Variants in PCDH11X observed in about 807,000 individuals in gnomAD.
The protein encoded by PCDH11X is protocadherin-11 X-linked.
In PCDH11X, 18 loss-of-function variants were observed where a neutral mutation model predicts 53.3. That is an observed-to-expected ratio of 0.34 (90% CI 0.23 to 0.50). The LOEUF is 0.50. Among genes scored for constraint, PCDH11X ranks in the 20% least tolerant of loss-of-function variants. The pLI, the probability that PCDH11X is intolerant of heterozygous loss-of-function variation, is 0.98. For missense variants in PCDH11X, 570 were observed against 1,032.4 expected (o/e 0.55, Z 6.14); for synonymous variants, 279 against 393.3 (o/e 0.71, Z 3.44).
intron 6 of PCDH11X, among the ~76,000 whole-genome samples, chrX:92,101,382 T>G: frequency 9.0e-6 from 1 of 111,511 alleles, no homozygotes; most frequent in South Asian, 3.8e-4. Flanking sequence ...AGGCCTGAAT[T>G]CTGAGAAGGG....
intron 6 of PCDH11X, among the ~76,000 whole-genome samples, chrX:91,920,020 G>A (rs3878819): frequency 0.21 from 23,804 of 110,846 alleles, 2,307 homozygotes; most frequent in Admixed American, 0.48. Flanking sequence ...TACAGAGTAA[G>A]TGTGAAGTAA....
chrX:91,883,696 T>A lies in PCDH11X; in HGVS notation c.3033+4423T>A, dbSNP rs754055862. ...GGCGGGCGCCTGTAGTCCCAGCTAC[T>A]CGGGAGGCTGAGGCAGGAGAATAGC... On this transcript the variant is annotated intron_variant, in intron 6 of 10. Coordinates refer to ENST00000682573, the MANE Select transcript of PCDH11X (RefSeq NM_032968.5). The A allele has an allele frequency of 7.6e-6, 4 of 529,510 alleles. No homozygotes were observed. In the South Asian group the frequency reaches 3.0e-4, roughly 40 times the overall value. 43.6% of individuals were successfully genotyped at this position (529,510 alleles called of 1,213,427 possible).
intron 6 of PCDH11X, among the ~76,000 whole-genome samples, chrX:92,091,348 T>G (rs763691210): frequency 1.2e-3 from 136 of 110,464 alleles, no homozygotes; most frequent in African/African-American, 4.5e-3. Context: ...GGATTTGTTG[T>G]CAGACTTCCT....
At chrX:92,443,428 T>C (rs1272167403) in intron 9 of PCDH11X, among the ~76,000 whole-genome samples, 1 of 111,940 alleles carries the variant, frequency 8.9e-6, no homozygotes, top group Non-Finnish European at 1.9e-5. Flanking sequence ...ATATTAGTCC[T>C]CTGTGAGATG....
intron 6 of PCDH11X, among the ~76,000 whole-genome samples, chrX:91,932,555 T>A (rs2061399537): frequency 1.1e-5 from 1 of 94,911 alleles, no homozygotes; most frequent in African/African-American, 3.9e-5. Context: ...GCAAACAGAG[T>A]CAGTAGTAGC....
At chrX:92,075,914 A>AT (rs1352306194) in intron 6 of PCDH11X, among the ~76,000 whole-genome samples, 1 of 110,577 alleles carries the variant, frequency 9.0e-6, no homozygotes, top group African/African-American at 3.3e-5. Context: ...ACTTCAGACC[A>AT]TAACTTGTTT....
At chrX:92,364,239 C>T (rs1234711713) in intron 8 of PCDH11X, among the ~76,000 whole-genome samples, 2 of 111,391 alleles carry the variant, frequency 1.8e-5, no homozygotes, top group African/African-American at 6.5e-5. Flanking sequence ...GTGCAAACAT[C>T]ATAGAGTGTA....
chrX:92,458,998 G>C (rs1280259566), intron 9 of PCDH11X, among the ~76,000 whole-genome samples: 2 of 111,373 alleles, frequency 1.8e-5, no homozygotes, highest in Admixed American at 1.9e-4. Flanking sequence ...TTCATCAAAA[G>C]CGTAGGAGCG....
Position 92,622,739 on chromosome X carries a change from A to G in PCDH11X, c.*3799A>G, listed in dbSNP as rs1026391561. On this transcript the variant is annotated 3_prime_UTR_variant, in exon 11 of 11. Coordinates refer to ENST00000682573, the MANE Select transcript of PCDH11X (RefSeq NM_032968.5). ...ACCACACCAGATCAATTTTATGCAGAGGCCTTAAAATATTCTTTCACAGTA... is the reference window on the plus strand; with the variant it reads ...ACCACACCAGATCAATTTTATGCAGGGGCCTTAAAATATTCTTTCACAGTA... The G allele has an allele frequency of 4.6e-5, 5 of 109,822 alleles. No individual in the cohort carries two copies. The highest frequency in any genetic ancestry group is 1.6e-4 in the African/African-American group (5 of 30,361). The allele number at this position is 109,822 out of a possible 1,213,427, so 9.1% of individuals were successfully genotyped here.
chrX:92,422,818 TA>T (rs1224643035), intron 9 of PCDH11X, among the ~76,000 whole-genome samples: 6 of 109,571 alleles, frequency 5.5e-5, no homozygotes, highest in Non-Finnish European at 1.1e-4. Context: ...CGCCAACGTC[TA>T]TTTTTTTTAT....
At chrX:92,039,365 A>G (rs2063176220) in intron 6 of PCDH11X, among the ~76,000 whole-genome samples, 1 of 112,026 alleles carries the variant, frequency 8.9e-6, no homozygotes, top group East Asian at 2.8e-4. Context: ...AATTAGAGTC[A>G]AATACCTTAA....
At chrX:92,271,216 T>C (rs185380317) in intron 8 of PCDH11X, among the ~76,000 whole-genome samples, 1 of 112,277 alleles carries the variant, frequency 8.9e-6, no homozygotes, top group Non-Finnish European at 1.9e-5. Flanking sequence ...CCTTTATAGC[T>C]GTAAATTTCT....
At chrX:92,554,391 T>A (rs990295569) in intron 10 of PCDH11X, among the ~76,000 whole-genome samples, 12 of 106,474 alleles carry the variant, frequency 1.1e-4, no homozygotes, top group African/African-American at 3.7e-4. Flanking sequence ...AAGAATTTTT[T>A]AAAAATTACT....
intron 10 of PCDH11X, among the ~76,000 whole-genome samples, chrX:92,470,036 T>C (rs2073231303): frequency 1.8e-5 from 2 of 109,089 alleles, no homozygotes; most frequent in South Asian, 7.8e-4. Context: ...CACATACATG[T>C]AATATCTTTT....
At chrX:92,200,824 C>G (rs750765126) in intron 6 of PCDH11X, among the ~76,000 whole-genome samples, 2 of 112,155 alleles carry the variant, frequency 1.8e-5, no homozygotes, top group East Asian at 5.6e-4. Flanking sequence ...GTTGCAAAAG[C>G]ATTGGACAGA....
At chrX:91,928,502 T>A (rs1407412877) in intron 6 of PCDH11X, among the ~76,000 whole-genome samples, 1 of 95,756 alleles carries the variant, frequency 1.0e-5, no homozygotes, top group Non-Finnish European at 2.1e-5. Context: ...GAAATAAGCA[T>A]TTTATTATAT....
At chrX:92,375,160 ATATATATTTT>A (rs2070714714) in intron 8 of PCDH11X, among the ~76,000 whole-genome samples, 2 of 11,308 alleles carry the variant, frequency 1.8e-4, no homozygotes, top group East Asian at 5.7e-3. Context: ...ATATATATAT[ATATATATTTT>A]TTTTTTTTTT....
intron 8 of PCDH11X, among the ~76,000 whole-genome samples, chrX:92,382,030 A>T (rs1263649412): frequency 9.0e-6 from 1 of 111,312 alleles, no homozygotes; most frequent in East Asian, 2.8e-4. Context: ...AAAAATGAAA[A>T]GGGTTAATAT....
intron 1 of PCDH11X, among the ~76,000 whole-genome samples, chrX:91,782,557 C>G (rs972512430): frequency 9.2e-6 from 1 of 108,861 alleles, no homozygotes; most frequent in Non-Finnish European, 1.9e-5. Context: ...CTCTAGAAGG[C>G]GGGGAGGGTC....
Sources: gnomAD v4.1 joint callset for allele counts (sites outside exome capture counted in the v4.1 genomes callset) on GRCh38, gnomAD v4.1.1 for gene constraint, MANE v1.5 for transcripts, NCBI Gene and HGNC (gene_info 2026-07-23, HGNC 2026-07-21) for gene names.